RASGRF1: variants seen among roughly 807,000 people sequenced by gnomAD.
RASGRF1 encodes the protein ras-specific guanine nucleotide-releasing factor 1.
RASGRF1 carries 40 observed loss-of-function variants against 138.7 expected under a neutral mutation model. The observed-to-expected ratio is 0.29, with a 90% CI of 0.22 to 0.38. The LOEUF (loss-of-function observed/expected upper bound fraction) is 0.38, where lower values mean the gene tolerates loss of function less well. RASGRF1 is among the 10% of genes least tolerant of loss of function. The pLI, the probability that RASGRF1 is intolerant of heterozygous loss-of-function variation, is 1.00. For missense variants in RASGRF1, 1,108 were observed against 1,650.4 expected (o/e 0.67, Z 5.69); for synonymous variants, 614 against 663.2 (o/e 0.93, Z 1.14).
At position 79,013,381 on chromosome 15, in the gene RASGRF1, C is replaced by T. The variant is rs569644711; in HGVS notation, c.1826+1946G>A. 3.7e-4 allele frequency among the ~76,000 whole-genome samples: 57 copies of T among 152,350 alleles called. 1 individual carries two copies. The South Asian group carries it at 0.011, about 30-fold the overall frequency. On this transcript the variant is annotated intron_variant, in intron 13 of 26. Coordinates refer to ENST00000558480, the MANE Select transcript of RASGRF1 (RefSeq NM_001145648.3). Reference sequence around the variant, plus strand: ...TCAACTTGTGCAGAGGCTTAAAGACCTGGTGGACCTGAAACTGCCTCGGCT... The same window carrying T: ...TCAACTTGTGCAGAGGCTTAAAGACTTGGTGGACCTGAAACTGCCTCGGCT...
At chr15:79,047,596 T>C (rs1340291198) in intron 4 of RASGRF1, among the ~76,000 whole-genome samples, 1 of 152,240 alleles carries the variant, frequency 6.6e-6, no homozygotes. Flanking sequence ...CAGCGGCTTC[T>C]GAGTCCTAGT....
Position 79,017,832 on chromosome 15 carries a change from TA to T in RASGRF1, c.1680del (p.Phe560LeufsTer5). 6.2e-7 allele frequency: 1 copy of T among 1,613,144 alleles called. No individual in the cohort carries two copies. The highest frequency in any genetic ancestry group is 1.1e-5 in the South Asian group (1 of 90,810). On this transcript the variant is annotated frameshift_variant, in exon 12 of 27. Coordinates refer to ENST00000558480, the MANE Select transcript of RASGRF1 (RefSeq NM_001145648.3). LOFTEE classifies it high-confidence loss of function. Reference protein sequence around the residue: ...IGVEPKDSPPFTVILVASSRQ... With the variant: ...IGVEPKDSPPXTVILVASSRQ... ...CTGGACGAGGCCACTAGGATGACTG[TA>T]AAGGGCGGGGAATCCTTTGGCTCCA...
chr15:78,972,100 T>C (rs1415404706), intron 25 of RASGRF1, among the ~76,000 whole-genome samples, 166 bp from the exon 26 acceptor site: 1 of 152,112 alleles, frequency 6.6e-6, no homozygotes, highest in African/African-American at 2.4e-5. Flanking sequence ...TGTTTGTTTT[T>C]ATTTTTATTT....
At chr15:78,979,276 G>A in intron 24 of RASGRF1, 1 of 1,062,190 alleles carries the variant, frequency 9.4e-7, no homozygotes, top group Non-Finnish European at 1.2e-6. Context: ...CAGACCAAAT[G>A]CGGCAGGAAG....
intron 16 of RASGRF1, among the ~76,000 whole-genome samples, chr15:79,000,146 C>T (rs1019602101): frequency 1.3e-5 from 2 of 152,182 alleles, no homozygotes; most frequent in Non-Finnish European, 2.9e-5. Flanking sequence ...GGGGAGCACA[C>T]TCCTGCTTCT....
At chr15:79,072,766 A>G (rs1260634984) in intron 1 of RASGRF1, among the ~76,000 whole-genome samples, 1 of 152,190 alleles carries the variant, frequency 6.6e-6, no homozygotes, top group Non-Finnish European at 1.5e-5. Flanking sequence ...CCAGAGACAG[A>G]TCCCTCCAAA....
chr15:78,961,985 A>T lies in RASGRF1; in HGVS notation c.*159T>A, dbSNP rs1002912200. 3 of 602,142 alleles carry T rather than the reference A, an allele frequency of 5.0e-6. No individual in the cohort carries two copies. The highest frequency in any genetic ancestry group is 8.8e-6 in the Non-Finnish European group (3 of 339,550). 37.3% of individuals were successfully genotyped at this position (602,142 alleles called of 1,614,324 possible). A position where few individuals can be genotyped will look rare whatever the true frequency, so the allele number is the denominator to read the frequency against. ...TGGGCGAAGTCTGAAACGGTGCAGA[A>T]ATTCATATTCCGGTTCTACAGGAAT... On this transcript the variant is annotated 3_prime_UTR_variant, in exon 27 of 27. Transcript: ENST00000558480.
At chr15:78,975,223 T>C (rs1443146167) in intron 24 of RASGRF1, among the ~76,000 whole-genome samples, 1 of 152,198 alleles carries the variant, frequency 6.6e-6, no homozygotes, top group Non-Finnish European at 1.5e-5. Flanking sequence ...AGACCCCATC[T>C]CTATTTAATT....
intron 13 of RASGRF1, among the ~76,000 whole-genome samples, chr15:79,008,406 G>T (rs1235053281): frequency 6.6e-6 from 1 of 152,192 alleles, no homozygotes; most frequent in Non-Finnish European, 1.5e-5. Flanking sequence ...CAAAGAAACC[G>T]AGGAAATGCT....
chr15:78,967,328 T>C (rs2141588986), intron 26 of RASGRF1, among the ~76,000 whole-genome samples: 1 of 152,206 alleles, frequency 6.6e-6, no homozygotes, highest in South Asian at 2.1e-4. Flanking sequence ...GGCAGATCAC[T>C]TGAGGCCAGG....
intron 1 of RASGRF1, among the ~76,000 whole-genome samples, chr15:79,066,709 C>G (rs925444531): frequency 6.6e-6 from 1 of 152,214 alleles, no homozygotes; most frequent in Admixed American, 6.5e-5. Flanking sequence ...GTACTGGAAT[C>G]CCCTACAGCC....
chr15:79,029,928 A>G (rs998162876), intron 8 of RASGRF1, among the ~76,000 whole-genome samples: 1 of 152,152 alleles, frequency 6.6e-6, no homozygotes, highest in Non-Finnish European at 1.5e-5. Flanking sequence ...ACAGGATAGG[A>G]TATCCCTCAG....
Position 79,040,966 on chromosome 15 carries a change from C to T in RASGRF1, c.879-5756G>A, listed in dbSNP as rs528421496. Among the ~76,000 whole-genome samples, 8 of 152,310 alleles carry T rather than the reference C, an allele frequency of 5.3e-5. No homozygotes were observed. The East Asian group carries it at 1.5e-3, about 29-fold the overall frequency. ...TTCAGGCACTTGCTCAGACAGTGGTCTCCCTGTGTCTAACTCCAGCAATGA... is the reference window on the plus strand; with the variant it reads ...TTCAGGCACTTGCTCAGACAGTGGTTTCCCTGTGTCTAACTCCAGCAATGA... On this transcript the variant is annotated intron_variant, in intron 5 of 26. Coordinates refer to ENST00000558480, the MANE Select transcript of RASGRF1 (RefSeq NM_001145648.3).
intron 23 of RASGRF1, 187 bp from the exon 24 acceptor site, chr15:78,980,886 G>A (rs1228434884): frequency 4.5e-6 from 2 of 440,674 alleles, no homozygotes; most frequent in African/African-American, 3.9e-5. Context: ...ACGGGTCCTT[G>A]TTGAGTGTGC....
chr15:78,968,093 T>G (rs1474513859), intron 26 of RASGRF1, among the ~76,000 whole-genome samples: 2 of 152,096 alleles, frequency 1.3e-5, no homozygotes, highest in Admixed American at 1.3e-4. Context: ...TTGAAAAAAT[T>G]TTTTTTCATT....
At chr15:78,963,975 C>T (rs949810739) in intron 26 of RASGRF1, among the ~76,000 whole-genome samples, 8 of 152,056 alleles carry the variant, frequency 5.3e-5, no homozygotes, top group African/African-American at 1.9e-4. Flanking sequence ...TTAGTTTCCT[C>T]CGTAGTGAGC....
intron 2 of RASGRF1, 48 bp downstream of exon 2, chr15:79,064,372 G>T (rs777611409): frequency 6.4e-7 from 1 of 1,562,136 alleles, no homozygotes; most frequent in Non-Finnish European, 8.8e-7. Flanking sequence ...GGTCTTTTCT[G>T]CCTGGACTGT....
intron 26 of RASGRF1, among the ~76,000 whole-genome samples, chr15:78,969,857 GT>G (rs2055716341): frequency 6.6e-6 from 1 of 152,048 alleles, no homozygotes; most frequent in African/African-American, 2.4e-5. Flanking sequence ...GAGTTTATCT[GT>G]TTTGTTCACT....
chr15:79,053,984 T>C (rs1249499493), intron 3 of RASGRF1, among the ~76,000 whole-genome samples: 1 of 152,256 alleles, frequency 6.6e-6, no homozygotes, highest in Non-Finnish European at 1.5e-5. Flanking sequence ...GAAAACTGAC[T>C]TGTAGCATTT....
Sources: gnomAD v4.1 joint callset for allele counts (sites outside exome capture counted in the v4.1 genomes callset) on GRCh38, gnomAD v4.1.1 for gene constraint, MANE v1.5 for transcripts, NCBI Gene and HGNC (gene_info 2026-07-23, HGNC 2026-07-21) for gene names.